The following ZDHHC3 variants were observed in gnomAD, a reference collection of about 807,000 sequenced individuals.
ZDHHC3 encodes the protein zDHHC palmitoyltransferase 3.
ZDHHC3 carries 9 observed loss-of-function variants against 30.6 expected under a neutral mutation model. The ratio of observed to expected loss-of-function variants is 0.29; its 90% CI spans 0.18 to 0.51. ZDHHC3 has a LOEUF of 0.51. Among genes scored for constraint, ZDHHC3 ranks in the 20% least tolerant of loss-of-function variants. ZDHHC3 has a pLI of 0.97. For synonymous variants in ZDHHC3, 136 were observed against 140.2 expected, an observed-to-expected ratio of 0.97 and a Z score of 0.21; for missense variants, 246 against 384.2, an observed-to-expected ratio of 0.64 and a Z score of 3.01.
At chr3:44,975,747 G>GTCTC (rs144383795) in intron 1 of ZDHHC3, among the ~76,000 whole-genome samples, 186 bp downstream of exon 1, 254 of 134,764 alleles carry the variant, frequency 1.9e-3, no homozygotes, top group Middle Eastern at 0.012. Context: ...CTTAGTCGGG[G>GTCTC]TCTCTCTCTC....
At chr3:44,944,409 G>C (rs762671776) in intron 3 of ZDHHC3, among the ~76,000 whole-genome samples, 36 of 152,088 alleles carry the variant, frequency 2.4e-4, no homozygotes, top group Non-Finnish European at 4.4e-4. Context: ...GCCTCCTAAA[G>C]TGCTGGGATT....
chr3:44,926,271 T>C lies in ZDHHC3; in HGVS notation c.*418A>G, dbSNP rs1700982098. On this transcript the variant is annotated 3_prime_UTR_variant, in exon 7 of 7. Transcript: ENST00000424952. ...GAGCCCGCCACTGCCTCCTGGGCAG[T>C]GGGAGGTCAGGGCCCTCCTGGCTTT... 1.0e-6 allele frequency: 1 copy of C among 988,258 alleles called. No individual in the cohort carries two copies. Among genetic ancestry groups the C allele is most frequent in the Non-Finnish European group, 1.2e-6 (1 of 831,924 alleles). The allele number at this position is 988,258 out of a possible 1,614,324, so 61.2% of individuals were successfully genotyped here. A position where few individuals can be genotyped will look rare whatever the true frequency, so the allele number is the denominator to read the frequency against.
intron 1 of ZDHHC3, chr3:44,975,361 C>T (rs1001836782): frequency 1.3e-5 from 2 of 152,234 alleles, no homozygotes; most frequent in Admixed American, 6.5e-5. Context: ...TAATCACTTC[C>T]ATCAAGCCGG....
At position 44,931,785 on chromosome 3, in the gene ZDHHC3, A is replaced by G. The variant is rs146810166; in HGVS notation, c.610+1333T>C. Among the ~76,000 whole-genome samples the G allele has an allele frequency of 4.6e-4, 70 of 152,110 alleles. 1 individual carries two copies. The highest frequency in any genetic ancestry group is 1.6e-3 in the African/African-American group (65 of 41,486). On this transcript the variant is annotated intron_variant, in intron 5 of 6. Coordinates refer to ENST00000424952, the MANE Select transcript of ZDHHC3 (RefSeq NM_001135179.2). ...CTCCAGACCTAGGCTTGAACTACAG[A>G]CCCTCTTGTTAGCTGAGTGATCCTG...
chr3:44,944,446 T>G, intron 3 of ZDHHC3, among the ~76,000 whole-genome samples: 1 of 152,106 alleles, frequency 6.6e-6, no homozygotes, highest in African/African-American at 2.4e-5. Flanking sequence ...GCGCCCGGCC[T>G]AATTTTTAAA....
chr3:44,951,663 C>T (rs1366123402), intron 2 of ZDHHC3, among the ~76,000 whole-genome samples: 1 of 152,148 alleles, frequency 6.6e-6, no homozygotes, highest in Non-Finnish European at 1.5e-5. Flanking sequence ...AGGCTCTGAG[C>T]TCTCCCTGCC....
In ZDHHC3 at chr3:44,918,048, G is replaced by A; in HGVS notation, c.*8641C>T. 1 of 1,305,448 alleles carries A rather than the reference G, an allele frequency of 7.7e-7. No homozygotes were observed. Among genetic ancestry groups the A allele is most frequent in the African/African-American group, 1.5e-5 (1 of 65,990 alleles). 80.9% of individuals were successfully genotyped at this position (1,305,448 alleles called of 1,614,324 possible). The stretch of plus-strand genomic sequence containing the variant: ...ACGGTCTGGAGAAGGGGTTGAACCA[G>A]TTCAGGGAGAAGTCCCCACCAAAGG... On this transcript the variant is annotated 3_prime_UTR_variant, in exon 7 of 7. Coordinates refer to ENST00000424952, the MANE Select transcript of ZDHHC3 (RefSeq NM_001135179.2).
chr3:44,966,494 A>G, intron 1 of ZDHHC3, among the ~76,000 whole-genome samples: 1 of 152,212 alleles, frequency 6.6e-6, no homozygotes, highest in East Asian at 1.9e-4. Flanking sequence ...TATAACTCTC[A>G]GCTGAAATTC....
At position 44,926,648 on chromosome 3, in the gene ZDHHC3, G is replaced by T. The variant is rs1242611139; in HGVS notation, c.*41C>A. Reference sequence around the variant, plus strand: ...GAACGGATGGGACGGTAGTGCTGTGGTGTGGACTTGTGTCTGAGTGGCCAT... The same window carrying T: ...GAACGGATGGGACGGTAGTGCTGTGTTGTGGACTTGTGTCTGAGTGGCCAT... On this transcript the variant is annotated 3_prime_UTR_variant, in exon 7 of 7. Coordinates refer to ENST00000424952, the MANE Select transcript of ZDHHC3 (RefSeq NM_001135179.2). The T allele has an allele frequency of 1.3e-6, 2 of 1,547,092 alleles. No homozygotes were observed. The highest frequency in any genetic ancestry group is 2.8e-5 in the African/African-American group (2 of 72,364).
chr3:44,964,857 C>T (rs1328115146), intron 1 of ZDHHC3, among the ~76,000 whole-genome samples: 1 of 152,032 alleles, frequency 6.6e-6, no homozygotes, highest in Non-Finnish European at 1.5e-5. Flanking sequence ...GGTTTTATAG[C>T]ATTAAAAAGA....
In ZDHHC3 at chr3:44,922,221, C is replaced by T. The variant is rs183778304; in HGVS notation, c.*4468G>A. The T allele has an allele frequency of 2.0e-4, 194 of 985,446 alleles. No homozygotes were observed. In the African/African-American group the frequency reaches 2.9e-3, roughly 15 times the overall value. The allele number at this position is 985,446 out of a possible 1,614,324, so 61.0% of individuals were successfully genotyped here. A position where few individuals can be genotyped will look rare whatever the true frequency, so the allele number is the denominator to read the frequency against. On this transcript the variant is annotated 3_prime_UTR_variant, in exon 7 of 7. Transcript: ENST00000424952. ...AGCCACATGGGTGTTGAAACCCACA[C>T]GTAGAAAGCAAAGGTCAAGACGTGT...
intron 1 of ZDHHC3, among the ~76,000 whole-genome samples, chr3:44,961,837 T>C (rs1704507148): frequency 6.6e-6 from 1 of 152,264 alleles, no homozygotes; most frequent in South Asian, 2.1e-4. Flanking sequence ...AATGTTTTGT[T>C]GGACCACAGC....
In ZDHHC3 at chr3:44,921,888, A is replaced by G. The variant is rs140853846; in HGVS notation, c.*4801T>C. 15 of 985,342 alleles carry G rather than the reference A, an allele frequency of 1.5e-5. No individual in the cohort carries two copies. Among genetic ancestry groups the G allele is most frequent in the Non-Finnish European group, 1.8e-5 (15 of 829,938 alleles). The allele number at this position is 985,342 out of a possible 1,614,324, so 61.0% of individuals were successfully genotyped here. A position where few individuals can be genotyped will look rare whatever the true frequency, so the allele number is the denominator to read the frequency against. On this transcript the variant is annotated 3_prime_UTR_variant, in exon 7 of 7. Coordinates refer to ENST00000424952, the MANE Select transcript of ZDHHC3 (RefSeq NM_001135179.2). ...TTCAGGGCATCCTTATGTCCGTGTTAGAGCATGTGCGGCCCCTAGAAGGCT... is the reference window on the plus strand; with the variant it reads ...TTCAGGGCATCCTTATGTCCGTGTTGGAGCATGTGCGGCCCCTAGAAGGCT...
chr3:44,938,527 AAAATAAAAAT>A (rs1702173149), intron 3 of ZDHHC3: 1 of 154,926 alleles, frequency 6.5e-6, no homozygotes, highest in Non-Finnish European at 1.4e-5. Context: ...TTGACAACTA[AAAATAAAAAT>A]AAATAAAAAT....
At position 44,916,849 on chromosome 3, in the gene ZDHHC3, T is replaced by TG. The variant is rs1700208678; in HGVS notation, c.*9839_*9840insC. 2 of 152,184 alleles carry TG rather than the reference T, an allele frequency of 1.3e-5. No individual in the cohort carries two copies. The highest frequency in any genetic ancestry group is 4.8e-5 in the African/African-American group (2 of 41,526). The allele number at this position is 152,184 out of a possible 1,614,324, so 9.4% of individuals were successfully genotyped here. The stretch of plus-strand genomic sequence containing the variant: ...TGGGGTGTGTGTGTGTGTGTGTGTG[T>TG]TTGTCTATCTTCCTGATTCATCTGA... On this transcript the variant is annotated 3_prime_UTR_variant, in exon 7 of 7. Coordinates refer to ENST00000424952, the MANE Select transcript of ZDHHC3 (RefSeq NM_001135179.2).
chr3:44,945,641 T>C (rs1027892016), intron 2 of ZDHHC3, among the ~76,000 whole-genome samples: 1 of 152,046 alleles, frequency 6.6e-6, no homozygotes, highest in Non-Finnish European at 1.5e-5. Flanking sequence ...TGCTGCAACC[T>C]CTGCCTCCTG....
chr3:44,928,015 G>T (rs1203423864), intron 6 of ZDHHC3, among the ~76,000 whole-genome samples: 1 of 152,208 alleles, frequency 6.6e-6, no homozygotes, highest in East Asian at 1.9e-4. Context: ...TAGGACTGGG[G>T]CCGTGAGAGC....
At chr3:44,940,641 T>C (rs1433165066) in intron 3 of ZDHHC3, among the ~76,000 whole-genome samples, 1 of 152,202 alleles carries the variant, frequency 6.6e-6, no homozygotes, top group Admixed American at 6.5e-5. Context: ...AGGCCCCTTC[T>C]ATGTTTCTTT....
At chr3:44,951,317 G>A (rs531133308) in intron 2 of ZDHHC3, among the ~76,000 whole-genome samples, 1 of 152,190 alleles carries the variant, frequency 6.6e-6, no homozygotes, top group Non-Finnish European at 1.5e-5. Flanking sequence ...TCTGCACAGA[G>A]CTCTGAGTTT....
Sources: gnomAD v4.1 joint callset for allele counts (sites outside exome capture counted in the v4.1 genomes callset) on GRCh38, gnomAD v4.1.1 for gene constraint, MANE v1.5 for transcripts, NCBI Gene and HGNC (gene_info 2026-07-23, HGNC 2026-07-21) for gene names.